The following SHROOM2 variants were observed in gnomAD, a reference collection of about 807,000 sequenced individuals.
The protein encoded by SHROOM2 is shroom family member 2, also known as protein Shroom2.
SHROOM2 carries 33 observed loss-of-function variants against 75.9 expected under a neutral mutation model. The ratio of observed to expected loss-of-function variants is 0.43; its 90% CI spans 0.33 to 0.58. SHROOM2 has a LOEUF of 0.58. Ranked by LOEUF, SHROOM2 falls within the 20% of genes least tolerant of loss-of-function variation. SHROOM2 has a pLI of 0.04. For synonymous variants in SHROOM2, 655 were observed against 663.6 expected, an observed-to-expected ratio of 0.99 and a Z score of 0.20; for missense variants, 1,434 against 1,461.2, an observed-to-expected ratio of 0.98 and a Z score of 0.30.
At chrX:9,904,367 A>G (rs2084380430) in intron 5 of SHROOM2, among the ~76,000 whole-genome samples, 1 of 111,537 alleles carries the variant, frequency 9.0e-6, no homozygotes, top group Middle Eastern at 4.6e-3. Context: ...AAAAAATACA[A>G]CAGTTGCTGC....
At chrX:9,838,395 G>A (rs1347918515) in intron 1 of SHROOM2, among the ~76,000 whole-genome samples, 1 of 110,685 alleles carries the variant, frequency 9.0e-6, no homozygotes, top group Non-Finnish European at 1.9e-5. Context: ...AGCTGGCTGG[G>A]ATTGGGTTGT....
At chrX:9,910,279 A>G (rs1317358418) in intron 5 of SHROOM2, among the ~76,000 whole-genome samples, 1 of 111,652 alleles carries the variant, frequency 9.0e-6, no homozygotes, top group African/African-American at 3.3e-5. Context: ...TAATGTACCA[A>G]TATTGATTCA....
chrX:9,856,952 G>A (rs755882039), intron 1 of SHROOM2, among the ~76,000 whole-genome samples: 1 of 112,524 alleles, frequency 8.9e-6, no homozygotes, highest in South Asian at 3.7e-4. Flanking sequence ...AGTCTCCATG[G>A]TGGATTCAGA....
chrX:9,872,734 G>T (rs980735389), intron 1 of SHROOM2, among the ~76,000 whole-genome samples: 3 of 111,734 alleles, frequency 2.7e-5, no homozygotes, highest in African/African-American at 9.8e-5. Flanking sequence ...AAACAGATAC[G>T]TGTTAGCAAG....
chrX:9,935,335 T>TTATTATTTA lies in SHROOM2; in HGVS notation c.3588-1798_3588-1797insATTATTTAT, dbSNP rs1160776258. 1.5e-3 allele frequency among the ~76,000 whole-genome samples: 151 copies of TTATTATTTA among 98,627 alleles called. 1 individual carries two copies. The highest frequency in any genetic ancestry group is 5.8e-3 in the African/African-American group (145 of 25,113). The allele number at this position is 98,627 out of a possible 115,157, so 85.6% of individuals were successfully genotyped here. A position where few individuals can be genotyped will look rare whatever the true frequency, so the allele number is the denominator to read the frequency against. On this transcript the variant is annotated intron_variant, in intron 6 of 9. Transcript: ENST00000380913. ...TTTATTATTATTATTATTATTATTATTTATTATTATTATGTTTTTAACAGA... is the reference window on the plus strand; with the variant it reads ...TTTATTATTATTATTATTATTATTATTATTATTTATTATTATTATTATGTTTTTAACAGA...
At chrX:9,914,938 G>T (rs17255299) in intron 5 of SHROOM2, among the ~76,000 whole-genome samples, 1 of 110,628 alleles carries the variant, frequency 9.0e-6, no homozygotes, top group South Asian at 3.8e-4. Context: ...CCCTTATCCA[G>T]TTTGCTGCCA....
At chrX:9,882,142 A>G (rs1266512850) in intron 2 of SHROOM2, among the ~76,000 whole-genome samples, 1 of 103,869 alleles carries the variant, frequency 9.6e-6, no homozygotes, top group Non-Finnish European at 1.9e-5. Flanking sequence ...TACATAGCAT[A>G]GCATTTAGAG....
intron 1 of SHROOM2, among the ~76,000 whole-genome samples, chrX:9,809,668 A>T (rs1364775672): frequency 8.9e-6 from 1 of 112,507 alleles, no homozygotes; most frequent in African/African-American, 3.2e-5. Context: ...GCTGATATGA[A>T]GTCAATAAAT....
chrX:9,852,883 CT>C (rs2146778551), intron 1 of SHROOM2, among the ~76,000 whole-genome samples: 1 of 111,473 alleles, frequency 9.0e-6, no homozygotes, highest in East Asian at 2.8e-4. Context: ...AACATACCCT[CT>C]TTAGCCAGTG....
chrX:9,807,623 C>G (rs2083761945), intron 1 of SHROOM2, among the ~76,000 whole-genome samples: 1 of 112,263 alleles, frequency 8.9e-6, no homozygotes, highest in African/African-American at 3.2e-5. Context: ...CTGGTCTAGG[C>G]CGTAAAAAAA....
At chrX:9,926,400 G>A (rs774770818) in intron 5 of SHROOM2, among the ~76,000 whole-genome samples, 5 of 111,647 alleles carry the variant, frequency 4.5e-5, no homozygotes, top group African/African-American at 1.3e-4. Context: ...AGCTGATCTC[G>A]TGGGATGTGT....
intron 1 of SHROOM2, among the ~76,000 whole-genome samples, chrX:9,806,132 C>G: frequency 9.1e-6 from 1 of 110,448 alleles, no homozygotes; most frequent in East Asian, 2.9e-4. Flanking sequence ...CAATACATTT[C>G]TGCTGTTTTT....
chrX:9,913,122 A>G (rs1378061848), intron 5 of SHROOM2: 1 of 112,647 alleles, frequency 8.9e-6, no homozygotes, highest in Admixed American at 9.4e-5. Context: ...GGACGCCAGC[A>G]TCGCATGAAG....
intron 5 of SHROOM2, among the ~76,000 whole-genome samples, chrX:9,924,490 G>A (rs933308734): frequency 1.8e-5 from 2 of 111,376 alleles, no homozygotes; most frequent in Non-Finnish European, 3.8e-5. Context: ...TGAGTAGCTG[G>A]GACTAAAGGT....
intron 1 of SHROOM2, among the ~76,000 whole-genome samples, chrX:9,853,839 G>T (rs750036786): frequency 8.9e-6 from 1 of 112,503 alleles, no homozygotes; most frequent in Non-Finnish European, 1.9e-5. Flanking sequence ...GTACAGAAAA[G>T]TGCTCACATG....
intron 1 of SHROOM2, among the ~76,000 whole-genome samples, chrX:9,856,666 G>A (rs897790249): frequency 2.7e-5 from 3 of 111,574 alleles, no homozygotes; most frequent in African/African-American, 9.8e-5. Flanking sequence ...ATGCAGCGCC[G>A]GGGCACCCCT....
intron 1 of SHROOM2, among the ~76,000 whole-genome samples, chrX:9,854,296 G>A (rs983227995): frequency 7.1e-5 from 8 of 111,994 alleles, no homozygotes; most frequent in Non-Finnish European, 1.5e-4. Flanking sequence ...TTGCCTCTTG[G>A]GCCATTGCTT....
intron 6 of SHROOM2, among the ~76,000 whole-genome samples, chrX:9,934,497 G>C (rs932415945): frequency 4.5e-5 from 5 of 111,234 alleles, no homozygotes; most frequent in Non-Finnish European, 9.4e-5. Flanking sequence ...GTAAGGTTCT[G>C]AAAGGAAAGT....
At chrX:9,881,780 A>G (rs1243867229) in intron 2 of SHROOM2, among the ~76,000 whole-genome samples, 2 of 111,796 alleles carry the variant, frequency 1.8e-5, no homozygotes, top group Non-Finnish European at 3.8e-5. Flanking sequence ...TCTGGGCTCA[A>G]TGTTTCTTTG....
Sources: gnomAD v4.1 joint callset for allele counts (sites outside exome capture counted in the v4.1 genomes callset) on GRCh38, gnomAD v4.1.1 for gene constraint, MANE v1.5 for transcripts, NCBI Gene and HGNC (gene_info 2026-07-23, HGNC 2026-07-21) for gene names.